The following NOSTRIN variants were observed in gnomAD, a reference collection of about 807,000 sequenced individuals.
NOSTRIN encodes BM247 homolog.
Under a neutral mutation model 59.0 loss-of-function variants are expected in NOSTRIN, and 63 were observed. That is an observed-to-expected ratio of 1.07 (90% CI 0.87 to 1.32). NOSTRIN has a LOEUF of 1.32. NOSTRIN is among the 40% of genes most tolerant of loss of function. NOSTRIN has a pLI of 0.00. For synonymous variants in NOSTRIN, 200 were observed against 165.4 expected (o/e 1.21, Z -1.61); for missense variants, 512 against 473.1 (o/e 1.08, Z -0.76).
intron 2 of NOSTRIN, chr2:168,811,889 G>T (rs1301412568): frequency 1.2e-5 from 4 of 339,638 alleles, no homozygotes; most frequent in Admixed American, 5.1e-5. Context: ...AGTCTCTTCT[G>T]ATTCCTCAGA....
At chr2:168,805,159 C>G (rs13431804) in intron 1 of NOSTRIN, among the ~76,000 whole-genome samples, 5,589 of 152,194 alleles carry the variant, frequency 0.037, 319 homozygotes, top group African/African-American at 0.13. Flanking sequence ...ATTTAAAAAT[C>G]TCTTTTAGAT....
chr2:168,801,487 T>G (rs548463834), upstream of NOSTRIN, among the ~76,000 whole-genome samples: 13 of 152,216 alleles, frequency 8.5e-5, no homozygotes, highest in African/African-American at 3.1e-4. Context: ...CCTCCCAAAG[T>G]GCTTGGATTA....
upstream of NOSTRIN, among the ~76,000 whole-genome samples, chr2:168,799,878 GC>G (rs1257018645): frequency 1.3e-5 from 2 of 152,204 alleles, no homozygotes; most frequent in Admixed American, 1.3e-4. Context: ...CCAATTGTCT[GC>G]CCCTCTCTGT....
chr2:168,835,494 T>C (rs778341885), intron 7 of NOSTRIN, among the ~76,000 whole-genome samples: 155 of 152,348 alleles, frequency 1.0e-3, no homozygotes, highest in Non-Finnish European at 1.6e-3. Flanking sequence ...CAGCATCAGC[T>C]TGGACATTTT....
intron 5 of NOSTRIN, among the ~76,000 whole-genome samples, chr2:168,830,004 G>A (rs1559119269): frequency 6.6e-6 from 1 of 152,328 alleles, no homozygotes; most frequent in South Asian, 2.1e-4. Flanking sequence ...ATGTTTGTAT[G>A]TACATAGGTA....
chr2:168,793,080 A>G lies in NOSTRIN; in HGVS notation c.-473+5032A>G, dbSNP rs140802500. 1.0e-3 allele frequency among the ~76,000 whole-genome samples: 158 copies of G among 152,288 alleles called. 1 individual carries two copies. Among genetic ancestry groups the G allele is most frequent in the African/African-American group, 3.7e-3 (152 of 41,556 alleles). On this transcript the variant is annotated intron_variant, in intron 2 of 20. Transcript: ENST00000458381. Reference sequence around the variant, plus strand: ...ATGGAATTTTGAGGAAGATACCAGAAACTTGGGCTTCGTTCTAGATTCCTC... The same window carrying G: ...ATGGAATTTTGAGGAAGATACCAGAGACTTGGGCTTCGTTCTAGATTCCTC...
upstream of NOSTRIN, among the ~76,000 whole-genome samples, chr2:168,796,977 T>C: frequency 6.6e-6 from 1 of 152,164 alleles, no homozygotes. Flanking sequence ...TATTGAACAC[T>C]TACTTTGCTC....
intron 12 of NOSTRIN, among the ~76,000 whole-genome samples, chr2:168,858,042 TA>T (rs1350181680): frequency 1.3e-5 from 2 of 152,238 alleles, no homozygotes; most frequent in Non-Finnish European, 2.9e-5. Context: ...TATGAAATTA[TA>T]AAACAGACTG....
At chr2:168,801,532 G>A (rs1462261335), upstream of NOSTRIN, among the ~76,000 whole-genome samples, 3 of 152,092 alleles carry the variant, frequency 2.0e-5, no homozygotes, top group East Asian at 5.8e-4. Context: ...TTATTTCTAG[G>A]GACTTTGAAT....
upstream of NOSTRIN, among the ~76,000 whole-genome samples, chr2:168,800,910 T>TAAAAAA (rs71997437): frequency 4.1e-4 from 56 of 137,928 alleles, 3 homozygotes; most frequent in East Asian, 1.1e-3. Context: ...AAATTTCTTT[T>TAAAAAA]AAAAAAAAAA....
intron 11 of NOSTRIN, chr2:168,855,851 A>G (rs1254388221): frequency 4.5e-6 from 2 of 446,972 alleles, no homozygotes; most frequent in East Asian, 7.1e-5. Flanking sequence ...TTTTGAAACA[A>G]TGTAAAAACC....
At chr2:168,820,822 A>G (rs566203282) in intron 2 of NOSTRIN, among the ~76,000 whole-genome samples, 2 of 152,138 alleles carry the variant, frequency 1.3e-5, no homozygotes, top group South Asian at 4.2e-4. Context: ...ACTTAACAAC[A>G]TAAAGGAAAG....
chr2:168,837,339 T>C (rs1280398259), intron 7 of NOSTRIN, among the ~76,000 whole-genome samples: 3 of 139,866 alleles, frequency 2.1e-5, no homozygotes, highest in Non-Finnish European at 4.6e-5. Flanking sequence ...AGATGGAGTC[T>C]TGCTGTGTCG....
At chr2:168,808,479 A>C (rs887144297) in intron 1 of NOSTRIN, among the ~76,000 whole-genome samples, 45 of 152,226 alleles carry the variant, frequency 3.0e-4, no homozygotes, top group African/African-American at 8.2e-4. Flanking sequence ...GTTTGAGAGC[A>C]GAAGAATTTA....
chr2:168,827,485 T>G (rs2105629321), intron 3 of NOSTRIN, among the ~76,000 whole-genome samples: 1 of 152,346 alleles, frequency 6.6e-6, no homozygotes, highest in East Asian at 1.9e-4. Context: ...TTTTCATATC[T>G]ATGTGTCCTA....
At position 168,859,567 on chromosome 2, in the gene NOSTRIN, T is replaced by A. The variant is rs776585779; in HGVS notation, c.1109T>A (p.Leu370Ter). ...AACTCCTACAAACTGTCATCAATGTTAGCAGAACTTGAGCAAAGACCTCAA... is the reference window on the plus strand; with the variant it reads ...AACTCCTACAAACTGTCATCAATGTAAGCAGAACTTGAGCAAAGACCTCAA... The part of the protein sequence containing the change: ...EANSYKLSSM[L>*]AELEQRPQPS... Residue 370 changes from leucine to a stop codon, truncating the protein, a stop_gained, in exon 13 of 16, where the codon TTA becomes TAA. Transcript: ENST00000317647. LOFTEE classifies it high-confidence loss of function. 6.2e-7 allele frequency: 1 copy of A among 1,614,162 alleles called. No homozygotes were observed. The highest frequency in any genetic ancestry group is 2.2e-5 in the East Asian group (1 of 44,874).
At chr2:168,833,462 GA>G (rs1285401617) in intron 6 of NOSTRIN, among the ~76,000 whole-genome samples, 2 of 152,182 alleles carry the variant, frequency 1.3e-5, no homozygotes, top group African/African-American at 4.8e-5. Flanking sequence ...TTGCAACCTT[GA>G]GGCAAAAAGC....
chr2:168,834,352 A>G (rs746246784), intron 7 of NOSTRIN, 27 bp downstream of exon 7: 4 of 869,030 alleles, frequency 4.6e-6, no homozygotes, highest in East Asian at 2.4e-5. Flanking sequence ...GGCTGGGCGC[A>G]TGTGCCATAG....
intron 15 of NOSTRIN, among the ~76,000 whole-genome samples, chr2:168,863,906 G>GATC (rs999088028): frequency 6.6e-6 from 1 of 151,746 alleles, no homozygotes; most frequent in Non-Finnish European, 1.5e-5. Flanking sequence ...GATCCAACGT[G>GATC]ATCTTTTTTT....
Sources: allele counts gnomAD v4.1 joint callset (sites outside exome capture counted in the v4.1 genomes callset), GRCh38; gene constraint gnomAD v4.1.1; transcripts MANE v1.5; gene names NCBI Gene and HGNC (gene_info 2026-07-23, HGNC 2026-07-21).